GINS1: variants seen among roughly 807,000 people sequenced by gnomAD.
The protein encoded by GINS1 is DNA replication complex GINS protein PSF1.
In GINS1, 26 loss-of-function variants were observed where a neutral mutation model predicts 34.9. That is an observed-to-expected ratio of 0.74 (90% CI 0.55 to 1.03). The LOEUF (loss-of-function observed/expected upper bound fraction) is 1.03, where lower values mean the gene tolerates loss of function less well. Ranked by LOEUF, GINS1 falls within the 50% of genes least tolerant of loss-of-function variation. GINS1 has a pLI of 0.00. For missense variants in GINS1, 235 were observed against 237.9 expected (o/e 0.99, Z 0.08); for synonymous variants, 97 against 84.4 (o/e 1.15, Z -0.82).
At chr20:25,427,369 T>C (rs543736463) in intron 5 of GINS1, among the ~76,000 whole-genome samples, 1 of 152,106 alleles carries the variant, frequency 6.6e-6, no homozygotes, top group East Asian at 1.9e-4. Context: ...GGCTAATTTT[T>C]GTATTTTTAG....
chr20:25,408,959 AT>A, intron 1 of GINS1: 1 of 983,756 alleles, frequency 1.0e-6, no homozygotes, highest in Non-Finnish European at 1.2e-6. Context: ...ACGCTAAGTG[AT>A]ACTAAGGAGG....
intron 4 of GINS1, among the ~76,000 whole-genome samples, chr20:25,421,577 C>CT (rs1408436240): frequency 1.3e-5 from 2 of 152,086 alleles, no homozygotes; most frequent in South Asian, 4.2e-4. Flanking sequence ...ATAGTAACAT[C>CT]TTTTGTTTTT....
intron 6 of GINS1, among the ~76,000 whole-genome samples, chr20:25,442,334 A>ATCTGTCTGTCTG (rs542531370): frequency 1.7e-3 from 236 of 135,498 alleles, no homozygotes; most frequent in African/African-American, 5.8e-3. Context: ...CCATCTATCT[A>ATCTGTCTGTCTG]TCTATCTGTC....
chr20:25,409,679 C>G (rs1308064823), intron 1 of GINS1, among the ~76,000 whole-genome samples: 2 of 152,200 alleles, frequency 1.3e-5, no homozygotes, highest in South Asian at 4.1e-4. Context: ...TTAAGGAACT[C>G]GTCTGAATTT....
At chr20:25,408,591 C>T (rs925355669) in intron 1 of GINS1, among the ~76,000 whole-genome samples, 1 of 152,196 alleles carries the variant, frequency 6.6e-6, no homozygotes, top group African/African-American at 2.4e-5. Flanking sequence ...GGTACCATGG[C>T]TCCTGCCTGT....
At chr20:25,420,259 G>T (rs1040021811) in intron 4 of GINS1, among the ~76,000 whole-genome samples, 1 of 151,640 alleles carries the variant, frequency 6.6e-6, no homozygotes, top group Admixed American at 6.6e-5. Flanking sequence ...TCAGCATCCC[G>T]AGTAACTGGG....
intron 1 of GINS1, among the ~76,000 whole-genome samples, chr20:25,409,914 GAGACTGTGCAAAC>G (rs1436569274): frequency 2.0e-5 from 3 of 152,196 alleles, no homozygotes; most frequent in Admixed American, 2.0e-4. Flanking sequence ...AGAGAACAGA[GAGACTGTGCAAAC>G]AGGTGCGGCC....
intron 5 of GINS1, among the ~76,000 whole-genome samples, chr20:25,431,722 C>T (rs2090428027): frequency 6.6e-6 from 1 of 151,782 alleles, no homozygotes; most frequent in Admixed American, 6.6e-5. Context: ...AGGGGTGCGC[C>T]ACCACGCCCG....
intron 1 of GINS1, among the ~76,000 whole-genome samples, chr20:25,412,222 C>T (rs2090290314): frequency 6.6e-6 from 1 of 152,114 alleles, no homozygotes; most frequent in Non-Finnish European, 1.5e-5. Flanking sequence ...AAACCAAAAA[C>T]ACTATTCCTT....
chr20:25,446,064 T>G lies in GINS1; in HGVS notation c.*73T>G. 1 of 722,264 alleles carries G rather than the reference T, an allele frequency of 1.4e-6. No homozygotes were observed. Among genetic ancestry groups the G allele is most frequent in the Non-Finnish European group, 2.4e-6 (1 of 417,672 alleles). The allele number at this position is 722,264 out of a possible 1,614,324, so 44.7% of individuals were successfully genotyped here. ...TGTACTCACTCTCTCCACCACTCCC[T>G]TCACCTCCCTCTTTGATTTTAGAAG... On this transcript the variant is annotated 3_prime_UTR_variant, in exon 7 of 7. Coordinates refer to ENST00000262460, the MANE Select transcript of GINS1 (RefSeq NM_021067.5).
At chr20:25,441,059 C>A (rs1352055749) in intron 5 of GINS1, among the ~76,000 whole-genome samples, 1 of 152,124 alleles carries the variant, frequency 6.6e-6, no homozygotes, top group Non-Finnish European at 1.5e-5. Flanking sequence ...AGTCTGAATT[C>A]TCCTAGAAGA....
chr20:25,446,442 TAAG>T lies in GINS1; in HGVS notation c.*452_*454del, dbSNP rs2090513185. 1 of 152,838 alleles carries T rather than the reference TAAG, an allele frequency of 6.5e-6. No individual in the cohort carries two copies. The highest frequency in any genetic ancestry group is 1.4e-5 in the Non-Finnish European group (1 of 69,236). 9.5% of individuals were successfully genotyped at this position (152,838 alleles called of 1,614,324 possible). Reference sequence around the variant, plus strand: ...CATGGTTACATTTGAATCTCTTAAATAAGCAGTCACTTGGCTGGACAGGAAGAA... The same window carrying T: ...CATGGTTACATTTGAATCTCTTAAATCAGTCACTTGGCTGGACAGGAAGAA... On this transcript the variant is annotated 3_prime_UTR_variant, in exon 7 of 7. Transcript: ENST00000262460.
At chr20:25,420,655 C>T (rs899767387) in intron 4 of GINS1, among the ~76,000 whole-genome samples, 1 of 151,686 alleles carries the variant, frequency 6.6e-6, no homozygotes, top group African/African-American at 2.4e-5. Flanking sequence ...TGGTGTGCAC[C>T]TGTAATCCCA....
At chr20:25,442,083 C>T (rs2090485046) in intron 6 of GINS1, among the ~76,000 whole-genome samples, 1 of 152,248 alleles carries the variant, frequency 6.6e-6, no homozygotes, top group Non-Finnish European at 1.5e-5. Flanking sequence ...GGCTATTGAA[C>T]TGTTGGATTT....
At chr20:25,439,572 C>T (rs1465433218) in intron 5 of GINS1, among the ~76,000 whole-genome samples, 6 of 151,866 alleles carry the variant, frequency 4.0e-5, no homozygotes. Flanking sequence ...TTAAAAGAGA[C>T]TTACAAGACA....
chr20:25,408,182 C>T (rs757773396), intron 1 of GINS1, among the ~76,000 whole-genome samples: 7 of 152,224 alleles, frequency 4.6e-5, no homozygotes, highest in Admixed American at 1.3e-4. Flanking sequence ...GATAATTTAG[C>T]ATTTCTTGCT....
At chr20:25,425,131 G>A (rs1328889164) in intron 4 of GINS1, 80 bp from the exon 5 acceptor site, 1 of 708,318 alleles carries the variant, frequency 1.4e-6, no homozygotes, top group Non-Finnish European at 2.6e-6. Flanking sequence ...GTTGGGATGT[G>A]TACTGTTTTC....
At chr20:25,420,325 G>A (rs1321109277) in intron 4 of GINS1, among the ~76,000 whole-genome samples, 1 of 151,224 alleles carries the variant, frequency 6.6e-6, no homozygotes, top group African/African-American at 2.4e-5. Flanking sequence ...GTAGAGACGG[G>A]GTTTCACTGT....
In GINS1 at chr20:25,435,727, T is replaced by C. The variant is rs567498651; in HGVS notation, c.448-5975T>C. On this transcript the variant is annotated intron_variant, in intron 5 of 6. Transcript: ENST00000262460. Reference sequence around the variant, plus strand: ...TTGCAGTGAGCCGAGATCACACCACTGCACTCCAGCACGGGCAACAGAGTG... The same window carrying C: ...TTGCAGTGAGCCGAGATCACACCACCGCACTCCAGCACGGGCAACAGAGTG... Among the ~76,000 whole-genome samples the C allele has an allele frequency of 6.0e-3, 756 of 125,076 alleles. 4 individuals carry two copies. The highest frequency in any genetic ancestry group is 9.7e-3 in the Non-Finnish European group (614 of 63,020). The allele number at this position is 125,076 out of a possible 152,430, so 82.1% of individuals were successfully genotyped here. A position where few individuals can be genotyped will look rare whatever the true frequency, so the allele number is the denominator to read the frequency against.
Sources: allele counts gnomAD v4.1 joint callset (sites outside exome capture counted in the v4.1 genomes callset), GRCh38; gene constraint gnomAD v4.1.1; transcripts MANE v1.5; gene names NCBI Gene and HGNC (gene_info 2026-07-23, HGNC 2026-07-21).